Variants in TMEM132B observed in about 807,000 individuals in gnomAD.
TMEM132B encodes transmembrane protein 132B.
In TMEM132B, 18 loss-of-function variants were observed where a neutral mutation model predicts 90.8. The ratio of observed to expected loss-of-function variants is 0.20; its 90% CI spans 0.14 to 0.29. The LOEUF (loss-of-function observed/expected upper bound fraction) is 0.29. Among genes scored for constraint, TMEM132B ranks in the 10% least tolerant of loss-of-function variants. TMEM132B has a pLI of 1.00. For synonymous variants in TMEM132B, 504 were observed against 523.3 expected, an observed-to-expected ratio of 0.96 and a Z score of 0.50; for missense variants, 1,096 against 1,326.8, an observed-to-expected ratio of 0.83 and a Z score of 2.70.
At chr12:125,489,830 A>G (rs1007860909) in intron 3 of TMEM132B, among the ~76,000 whole-genome samples, 1 of 152,224 alleles carries the variant, frequency 6.6e-6, no homozygotes, top group African/African-American at 2.4e-5. Flanking sequence ...AGAGGTAGCC[A>G]GTTTGAATGG....
chr12:125,454,392 T>TGTG (rs1555250638), intron 3 of TMEM132B, among the ~76,000 whole-genome samples: 1,708 of 112,042 alleles, frequency 0.015, 31 homozygotes, highest in East Asian at 0.037. Flanking sequence ...GTGTGTGTGT[T>TGTG]TGTGTGTGTG....
In TMEM132B at chr12:125,387,748, T is replaced by G. The variant is rs1388561; in HGVS notation, c.960-27783T>G. 8.4e-3 allele frequency among the ~76,000 whole-genome samples: 1,285 copies of G among 152,318 alleles called. 27 individuals are homozygous for G. The highest frequency in any genetic ancestry group is 0.03 in the African/African-American group (1,227 of 41,560). On this transcript the variant is annotated intron_variant, in intron 2 of 8. Coordinates refer to ENST00000682704, the MANE Select transcript of TMEM132B (RefSeq NM_001366854.1). ...TTAAGAAGCTTGTTACTGAGATGGA[T>G]AAACATCTGTCTCCATCTTCCATCC...
intron 4 of TMEM132B, among the ~76,000 whole-genome samples, chr12:125,554,925 T>C (rs370881099): frequency 1.1e-4 from 16 of 152,360 alleles, no homozygotes; most frequent in East Asian, 9.6e-4. Context: ...TTTTTCAGTG[T>C]GTGTCAGGTG....
chr12:125,608,851 C>T (rs539928717), intron 5 of TMEM132B, among the ~76,000 whole-genome samples: 2 of 126,754 alleles, frequency 1.6e-5, no homozygotes, highest in Admixed American at 7.3e-5. Context: ...TGCTGTGGCA[C>T]CTTTGAAAAA....
Position 125,648,846 on chromosome 12 carries a change from T to C in TMEM132B, c.1644-1837T>C, listed in dbSNP as rs116732249. Among the ~76,000 whole-genome samples the C allele has an allele frequency of 9.3e-3, 1,415 of 152,256 alleles. 25 individuals are homozygous for C. The highest frequency in any genetic ancestry group is 0.032 in the African/African-American group (1,318 of 41,552). On this transcript the variant is annotated intron_variant, in intron 6 of 8. Coordinates refer to ENST00000682704, the MANE Select transcript of TMEM132B (RefSeq NM_001366854.1). ...TCATAAAATAAATTTAACCTAAAAT[T>C]ATTGCAAAGAAAATTAAACAATGTT... is the stretch of plus-strand genomic sequence containing the variant.
intron 5 of TMEM132B, among the ~76,000 whole-genome samples, chr12:125,611,321 G>A (rs1307428914): frequency 6.6e-6 from 1 of 151,674 alleles, no homozygotes; most frequent in Admixed American, 6.6e-5. Context: ...CCAGGTAAAG[G>A]TGTATCAATT....
chr12:125,228,291 G>A (rs933087620), intron 1 of TMEM132B, among the ~76,000 whole-genome samples: 2 of 152,166 alleles, frequency 1.3e-5, no homozygotes, highest in African/African-American at 4.8e-5. Flanking sequence ...CGCTGCCCTC[G>A]TTAGCACCCC....
chr12:125,521,006 G>T (rs1883293288), intron 4 of TMEM132B, among the ~76,000 whole-genome samples: 1 of 152,226 alleles, frequency 6.6e-6, no homozygotes. Context: ...AACAGAGATG[G>T]ATGGGTGTGG....
intron 4 of TMEM132B, among the ~76,000 whole-genome samples, chr12:125,569,529 A>G (rs1187304797): frequency 6.6e-6 from 1 of 152,158 alleles, no homozygotes; most frequent in African/African-American, 2.4e-5. Flanking sequence ...GGCTACTTTT[A>G]TCAGTGTCCC....
chr12:125,337,328 T>G, intron 1 of TMEM132B, among the ~76,000 whole-genome samples: 1 of 152,192 alleles, frequency 6.6e-6, no homozygotes, highest in East Asian at 1.9e-4. Flanking sequence ...GATTGCTTCC[T>G]GCTCACATCT....
chr12:125,473,522 T>C lies in TMEM132B; in HGVS notation c.1107-45917T>C, dbSNP rs79414725. Reference sequence around the variant, plus strand: ...ATAATAGTGTCTAATACATGTTCAGTGACTTAATTAATGAATCAAACTTTG... The same window carrying C: ...ATAATAGTGTCTAATACATGTTCAGCGACTTAATTAATGAATCAAACTTTG... On this transcript the variant is annotated intron_variant, in intron 3 of 8. Transcript: ENST00000682704. Among the ~76,000 whole-genome samples, 18 of 152,338 alleles carry C rather than the reference T, an allele frequency of 1.2e-4. No homozygotes were observed. The East Asian group carries it at 2.7e-3, about 23-fold the overall frequency.
chr12:125,603,753 GA>G (rs1451497440), intron 5 of TMEM132B, among the ~76,000 whole-genome samples: 1 of 151,804 alleles, frequency 6.6e-6, no homozygotes, highest in African/African-American at 2.4e-5. Flanking sequence ...AAATTTACAA[GA>G]AAAAAACAAC....
chr12:125,370,394 G>A (rs1344945428), intron 2 of TMEM132B, among the ~76,000 whole-genome samples: 3 of 152,318 alleles, frequency 2.0e-5, no homozygotes, highest in East Asian at 1.9e-4. Flanking sequence ...AAAACATCAC[G>A]TGCATCCAAG....
intron 6 of TMEM132B, among the ~76,000 whole-genome samples, chr12:125,648,270 A>G (rs1886818313): frequency 6.6e-6 from 1 of 152,068 alleles, no homozygotes; most frequent in African/African-American, 2.4e-5. Context: ...TCCATGGTGT[A>G]TATGTGCCAC....
chr12:125,645,139 A>G (rs1593042322), intron 6 of TMEM132B, among the ~76,000 whole-genome samples: 1 of 148,312 alleles, frequency 6.7e-6, no homozygotes, highest in South Asian at 2.2e-4. Flanking sequence ...AATGGCCTGA[A>G]CCCGGGAGGC....
At chr12:125,545,388 C>T (rs771609038) in intron 4 of TMEM132B, among the ~76,000 whole-genome samples, 6 of 152,188 alleles carry the variant, frequency 3.9e-5, no homozygotes, top group Non-Finnish European at 8.8e-5. Flanking sequence ...GGCAGGTGGT[C>T]ACAAAGGCTC....
At chr12:125,553,931 T>A (rs1884303894) in intron 4 of TMEM132B, among the ~76,000 whole-genome samples, 1 of 152,090 alleles carries the variant, frequency 6.6e-6, no homozygotes, top group African/African-American at 2.4e-5. Flanking sequence ...TGTTCAATAT[T>A]AATAATGAAT....
chr12:125,484,117 C>G (rs1296373739), intron 3 of TMEM132B, among the ~76,000 whole-genome samples: 1 of 152,094 alleles, frequency 6.6e-6, no homozygotes, highest in African/African-American at 2.4e-5. Context: ...CAAGGTTGGT[C>G]TCGAACTCCT....
intron 1 of TMEM132B, among the ~76,000 whole-genome samples, chr12:125,299,561 G>A (rs1236159808): frequency 6.6e-6 from 1 of 152,140 alleles, no homozygotes; most frequent in African/African-American, 2.4e-5. Context: ...GAGCCTTCAG[G>A]AGCCACCTCT....
Sources: allele counts gnomAD v4.1 joint callset (sites outside exome capture counted in the v4.1 genomes callset), GRCh38; gene constraint gnomAD v4.1.1; transcripts MANE v1.5; gene names NCBI Gene and HGNC (gene_info 2026-07-23, HGNC 2026-07-21).